The following FBXO34 variants were observed in gnomAD, a reference collection of about 807,000 sequenced individuals.
FBXO34 encodes F-box protein 34.
A neutral mutation model predicts 24.5 loss-of-function variants in FBXO34; 12 were observed. That is an observed-to-expected ratio of 0.49 (90% confidence interval 0.31 to 0.79). The LOEUF (loss-of-function observed/expected upper bound fraction) is 0.79, where lower values mean the gene tolerates loss of function less well. Among genes scored for constraint, FBXO34 ranks in the 30% least tolerant of loss-of-function variants. FBXO34 has a pLI of 0.04. For synonymous variants in FBXO34, 320 were observed against 311.9 expected (o/e 1.03, Z -0.27); for missense variants, 823 against 857.7 (o/e 0.96, Z 0.51).
the FBXO34 span, chr14:55,378,033 C>T: frequency 7.4e-6 from 12 of 1,612,768 alleles, no homozygotes; most frequent in Admixed American, 5.0e-5. Flanking sequence ...CTTCACTGCT[C>T]GAGTAAATTT....
At chr14:55,432,497 A>G in the FBXO34 span, among the ~76,000 whole-genome samples, 1 of 150,060 alleles carries the variant, frequency 6.7e-6, no homozygotes, top group South Asian at 2.1e-4. Flanking sequence ...AAATATTTAC[A>G]GTATAAAATG....
intron 3 of FBXO34, among the ~76,000 whole-genome samples, chr14:55,361,202 T>C (rs1884590962): frequency 6.6e-6 from 1 of 152,218 alleles, no homozygotes; most frequent in African/African-American, 2.4e-5. Flanking sequence ...CCTTGAGCTA[T>C]TGGCTGCAGA....
chr14:55,333,427 GA>G (rs1883666354), intron 1 of FBXO34, among the ~76,000 whole-genome samples: 1 of 152,140 alleles, frequency 6.6e-6, no homozygotes, highest in South Asian at 2.1e-4. Flanking sequence ...GTTAATAATT[GA>G]AGTACCTAAT....
At chr14:55,411,437 T>C in the FBXO34 span, among the ~76,000 whole-genome samples, 1 of 152,220 alleles carries the variant, frequency 6.6e-6, no homozygotes, top group Non-Finnish European at 1.5e-5. Context: ...TACGCTGTCC[T>C]CTGGTAGCAA....
At chr14:55,413,369 T>C in the FBXO34 span, among the ~76,000 whole-genome samples, 1 of 152,252 alleles carries the variant, frequency 6.6e-6, no homozygotes, top group East Asian at 1.9e-4. Flanking sequence ...CTTATGCAGT[T>C]ATTTGAAACT....
the FBXO34 span, among the ~76,000 whole-genome samples, chr14:55,386,712 C>T: frequency 1.3e-5 from 2 of 152,192 alleles, no homozygotes; most frequent in African/African-American, 4.8e-5. Flanking sequence ...CCTGGCCACA[C>T]AACCACGAGG....
At position 55,351,831 on chromosome 14, in the gene FBXO34, ATGT is replaced by A. The variant is rs774299034; in HGVS notation, c.1446_1448del (p.Leu482del). 21 of 1,614,012 alleles carry A rather than the reference ATGT, an allele frequency of 1.3e-5. No individual in the cohort carries two copies. Among genetic ancestry groups the A allele is most frequent in the Admixed American group, 1.7e-5 (1 of 60,000 alleles). On this transcript the variant is annotated inframe_deletion, in exon 2 of 2. Coordinates refer to ENST00000313833, the MANE Select transcript of FBXO34 (RefSeq NM_017943.4). ...CTCCTGTGAAGACCCAGTTCCAGGG[ATGT>A]TGTTTTTTTTGCCACCTGGTCAGCA...
intron 1 of FBXO34, among the ~76,000 whole-genome samples, chr14:55,307,189 G>A (rs1054495556): frequency 6.6e-6 from 1 of 152,316 alleles, no homozygotes; most frequent in East Asian, 1.9e-4. Context: ...TGTGACAGGA[G>A]GGCATGACAG....
At chr14:55,374,216 G>GTTT (rs112314795), downstream of FBXO34, among the ~76,000 whole-genome samples, 21,663 of 151,208 alleles carry the variant, frequency 0.14, 1,694 homozygotes, top group South Asian at 0.16. Context: ...TTATTTTAAT[G>GTTT]TTTTTTTTTA....
downstream of FBXO34, among the ~76,000 whole-genome samples, chr14:55,373,804 C>CA (rs71705938): frequency 4.4e-3 from 596 of 135,252 alleles, 2 homozygotes; most frequent in South Asian, 7.2e-3. Context: ...AAATTTGTTT[C>CA]AAAAAAAAAA....
the FBXO34 span, among the ~76,000 whole-genome samples, chr14:55,422,600 C>T: frequency 6.6e-6 from 1 of 152,092 alleles, no homozygotes; most frequent in African/African-American, 2.4e-5. Context: ...ACCTGTAGTC[C>T]CAGCACTTTG....
the FBXO34 span, among the ~76,000 whole-genome samples, chr14:55,375,448 C>T: frequency 2.6e-5 from 4 of 151,192 alleles, no homozygotes; most frequent in Admixed American, 1.3e-4. Context: ...TCAGCCTCCA[C>T]AGCAGCTGGG....
At chr14:55,322,017 C>G (rs970174255) in intron 1 of FBXO34, among the ~76,000 whole-genome samples, 3 of 152,126 alleles carry the variant, frequency 2.0e-5, no homozygotes, top group Non-Finnish European at 4.4e-5. Context: ...TCCAGTTTGC[C>G]AGTTATTATA....
intron 1 of FBXO34, among the ~76,000 whole-genome samples, chr14:55,345,817 C>G (rs1345565660): frequency 6.6e-6 from 1 of 152,160 alleles, no homozygotes; most frequent in Non-Finnish European, 1.5e-5. Flanking sequence ...GCCTGGGCAA[C>G]TTAGTGAGAC....
At chr14:55,328,117 C>T (rs1331842027) in intron 1 of FBXO34, among the ~76,000 whole-genome samples, 1 of 151,286 alleles carries the variant, frequency 6.6e-6, no homozygotes, top group Non-Finnish European at 1.5e-5. Context: ...CCACCATGAT[C>T]GGCTAATTTT....
chr14:55,424,422 A>G, the FBXO34 span, among the ~76,000 whole-genome samples: 2 of 152,236 alleles, frequency 1.3e-5, no homozygotes, highest in Non-Finnish European at 2.9e-5. Context: ...TGTCCTAGGT[A>G]ATATCTTATG....
At chr14:55,386,734 C>T in the FBXO34 span, among the ~76,000 whole-genome samples, 11 of 152,010 alleles carry the variant, frequency 7.2e-5, no homozygotes, top group African/African-American at 1.2e-4. Context: ...GACATACACT[C>T]GTCCTGTCAG....
chr14:55,320,997 T>C (rs1883114715), intron 1 of FBXO34, among the ~76,000 whole-genome samples: 1 of 152,166 alleles, frequency 6.6e-6, no homozygotes, highest in South Asian at 2.1e-4. Flanking sequence ...AGTTTTCTTT[T>C]TTATTCATCT....
At chr14:55,344,182 C>T (rs1028227579) in intron 1 of FBXO34, among the ~76,000 whole-genome samples, 8 of 152,192 alleles carry the variant, frequency 5.3e-5, no homozygotes, top group Admixed American at 1.3e-4. Context: ...CTCTCACCTT[C>T]TAGTCACCCC....
Sources: allele counts gnomAD v4.1 joint callset (sites outside exome capture counted in the v4.1 genomes callset), GRCh38; gene constraint gnomAD v4.1.1; transcripts MANE v1.5; gene names NCBI Gene and HGNC (gene_info 2026-07-23, HGNC 2026-07-21).